The following CDK12 variants were observed in gnomAD, a reference collection of about 807,000 sequenced individuals.
The protein encoded by CDK12 is cyclin dependent kinase 12, also known as cyclin-dependent kinase 12.
In CDK12, 17 loss-of-function variants were observed where a neutral mutation model predicts 133.8. The observed-to-expected ratio is 0.13, with a 90% CI of 0.09 to 0.19. The LOEUF is 0.19. Among genes scored for constraint, CDK12 ranks in the 10% least tolerant of loss-of-function variants. CDK12 has a pLI of 1.00. For missense variants in CDK12, 1,508 were observed against 1,818.7 expected, an observed-to-expected ratio of 0.83 and a Z score of 3.11; for synonymous variants, 694 against 683.6, an observed-to-expected ratio of 1.02 and a Z score of -0.24.
chr17:39,522,811 G>A (rs573919207), intron 11 of CDK12, among the ~76,000 whole-genome samples: 1 of 152,174 alleles, frequency 6.6e-6, no homozygotes, highest in Non-Finnish European at 1.5e-5. Context: ...CCAGCACTTT[G>A]GGAGGCCGAG....
downstream of CDK12, among the ~76,000 whole-genome samples, chr17:39,535,741 T>A (rs1400869147): frequency 2.0e-5 from 3 of 152,218 alleles, no homozygotes; most frequent in East Asian, 5.8e-4. Flanking sequence ...GTATGGTTAA[T>A]GCCTCAAAGA....
In CDK12 at chr17:39,533,198, G is replaced by GT. The variant is rs1001084302; in HGVS notation, c.*1887dup. The GT allele has an allele frequency of 1.3e-4, 30 of 233,042 alleles. No individual in the cohort carries two copies. Among genetic ancestry groups the GT allele is most frequent in the African/African-American group, 6.4e-4 (29 of 45,432 alleles). 14.4% of individuals were successfully genotyped at this position (233,042 alleles called of 1,614,324 possible). Reference sequence around the variant, plus strand: ...GTGTGTATTTCTTTATTATTCTCTGGTTTTTGATCTGGCCTTGCCTCCAGG... The same window carrying GT: ...GTGTGTATTTCTTTATTATTCTCTGGTTTTTTGATCTGGCCTTGCCTCCAGG... On this transcript the variant is annotated 3_prime_UTR_variant, in exon 14 of 14. Coordinates refer to ENST00000447079, the MANE Select transcript of CDK12 (RefSeq NM_016507.4).
At chr17:39,535,624 A>G (rs560860528), downstream of CDK12, among the ~76,000 whole-genome samples, 1 of 152,290 alleles carries the variant, frequency 6.6e-6, no homozygotes, top group South Asian at 2.1e-4. Flanking sequence ...GGACCTTACT[A>G]ACCTAGATTT....
At chr17:39,560,726 G>A (rs960099109) in intron 3 of CDK12, among the ~76,000 whole-genome samples, 4 of 152,182 alleles carry the variant, frequency 2.6e-5, no homozygotes, top group African/African-American at 7.2e-5. Context: ...TCAAAAGAGC[G>A]GCACAGGCCA....
In CDK12 at chr17:39,533,639, C is replaced by T. The variant is rs2054993240; in HGVS notation, c.*2323C>T. 4.3e-6 allele frequency: 1 copy of T among 232,908 alleles called. No homozygotes were observed. The highest frequency in any genetic ancestry group is 8.5e-6 in the Non-Finnish European group (1 of 117,836). 14.4% of individuals were successfully genotyped at this position (232,908 alleles called of 1,614,324 possible). A position where few individuals can be genotyped will look rare whatever the true frequency, so the allele number is the denominator to read the frequency against. On this transcript the variant is annotated 3_prime_UTR_variant, in exon 14 of 14. Coordinates refer to ENST00000447079, the MANE Select transcript of CDK12 (RefSeq NM_016507.4). ...TATGCCAAATATCCTAAATAATATA[C>T]TTAAGCCTCCATTCCCTCATCCCTA...
In CDK12 at chr17:39,531,086, G is replaced by C. The variant is rs757874486; in HGVS notation, c.4243G>C (p.Val1415Leu). 6 of 1,597,732 alleles carry C rather than the reference G, an allele frequency of 3.8e-6. No homozygotes were observed. The highest frequency in any genetic ancestry group is 3.4e-5 in the South Asian group (3 of 88,546). ...CAGGGTCCCCTTAGCGTTACACCCG[G>C]TGGTCGGGCAACCATTCCTGAAGGC... is the stretch of plus-strand genomic sequence containing the variant. The part of the protein sequence containing the change: ...FARVPLALHP[V>L]VGQPFLKAEG... The change falls in exon 14 of 14, where the codon GTG (valine) becomes CTG (leucine). Residue 1415 changes from valine (V) to leucine (L), a missense_variant. Physicochemically the swap from Val to Leu is conservative, Grantham distance 32 (BLOSUM62 1). Transcript: ENST00000447079.
intron 10 of CDK12, among the ~76,000 whole-genome samples, chr17:39,518,297 G>A (rs1464971791): frequency 6.6e-6 from 1 of 151,722 alleles, no homozygotes; most frequent in Non-Finnish European, 1.5e-5. Context: ...CTTCTGAATA[G>A]CTGGGACCAC....
chr17:39,558,709 T>G (rs1432291231), intron 3 of CDK12, among the ~76,000 whole-genome samples: 1 of 152,236 alleles, frequency 6.6e-6, no homozygotes, highest in African/African-American at 2.4e-5. Flanking sequence ...AATGGTGCAG[T>G]CTCGGCTCAC....
chr17:39,555,523 C>A, intron 2 of CDK12, among the ~76,000 whole-genome samples: 1 of 151,798 alleles, frequency 6.6e-6, no homozygotes, highest in East Asian at 1.9e-4. Flanking sequence ...CCAGCTCTCC[C>A]GGGCAGTATC....
intron 6 of CDK12, among the ~76,000 whole-genome samples, chr17:39,501,711 T>C (rs1392496878): frequency 1.8e-4 from 28 of 152,212 alleles, no homozygotes; most frequent in Admixed American, 1.8e-3. Context: ...TTTAATAGCG[T>C]AAACAAACAG....
At chr17:39,546,732 GT>G (rs2055724797), upstream of CDK12, 1 of 152,118 alleles carries the variant, frequency 6.6e-6, no homozygotes, top group African/African-American at 2.4e-5. Context: ...AGCCTCCTGT[GT>G]CTACCCCCAC....
chr17:39,494,811 C>G lies in CDK12; in HGVS notation c.2419+117C>G, dbSNP rs543348796. ...TTGAGACGGAGTCTTGCTCTGTTGCCCAGGCTGAACTGCAGTGGTGCGATT... is the reference window on the plus strand; with the variant it reads ...TTGAGACGGAGTCTTGCTCTGTTGCGCAGGCTGAACTGCAGTGGTGCGATT... On this transcript the variant is annotated intron_variant, in intron 5 of 13. Coordinates refer to ENST00000447079, the MANE Select transcript of CDK12 (RefSeq NM_016507.4). 79 of 733,448 alleles carry G rather than the reference C, an allele frequency of 1.1e-4. No individual in the cohort carries two copies. The East Asian group carries it at 2.1e-3, about 19-fold the overall frequency. 45.4% of individuals were successfully genotyped at this position (733,448 alleles called of 1,614,324 possible). A position where few individuals can be genotyped will look rare whatever the true frequency, so the allele number is the denominator to read the frequency against.
chr17:39,566,751 G>A (rs1282281656), downstream of CDK12, among the ~76,000 whole-genome samples: 2 of 152,154 alleles, frequency 1.3e-5, no homozygotes, highest in Non-Finnish European at 2.9e-5. Flanking sequence ...GGCAGCACTA[G>A]AAGGGGCTGA....
rs1356517818 is a variant in CDK12, at chr17:39,490,675, G to C, written c.2050G>C (p.Asp684His). 1.2e-6 allele frequency: 2 copies of C among 1,613,556 alleles called. No homozygotes were observed. The highest frequency in any genetic ancestry group is 1.7e-5 in the Admixed American group (1 of 59,952). ...CCCTGGTGGAGATCTGTCTCCCCCA[G>C]ACTCTCCAGAACCAAAGGCAATCAC... The part of the protein sequence containing the change: ...ELPGGDLSPP[D>H]SPEPKAITPP... The change falls in exon 3 of 14, where the codon GAC (aspartate) becomes CAC (histidine). Residue 684 changes from aspartate (D) to histidine (H), a missense_variant. Asp to His is a moderately conservative substitution (Grantham distance 81, BLOSUM62 -1). Transcript: ENST00000447079.
chr17:39,492,286 C>T (rs1404100688), intron 3 of CDK12, among the ~76,000 whole-genome samples: 4 of 148,470 alleles, frequency 2.7e-5, no homozygotes, highest in Non-Finnish European at 5.9e-5. Flanking sequence ...TTAGTAGAGA[C>T]GGGGTTTCAC....
chr17:39,471,642 C>G lies in CDK12; in HGVS notation c.1810C>G (p.Pro604Ala). ...AVSSQANSQP[P>A]VQVSVKTQVS... ...GTCCTCTCAGGCAAATTCTCAGCCC[C>G]CTGTACAGGTTTCTGTGAAGACTCA... The change falls in exon 2 of 14, where the codon CCT (proline) becomes GCT (alanine). Residue 604 changes from proline to alanine, a missense_variant. Transcript: ENST00000447079. 1.9e-5 allele frequency: 31 copies of G among 1,614,120 alleles called. No individual in the cohort carries two copies. Among genetic ancestry groups the G allele is most frequent in the South Asian group, 6.6e-5 (6 of 91,080 alleles).
Position 39,493,701 on chromosome 17 carries a change from C to T in CDK12, c.2248+811C>T, listed in dbSNP as rs183520191. Among the ~76,000 whole-genome samples the T allele has an allele frequency of 1.6e-4, 24 of 151,724 alleles. No individual in the cohort carries two copies. In the East Asian group the frequency reaches 4.5e-3, roughly 29 times the overall value. On this transcript the variant is annotated intron_variant, in intron 4 of 13. Coordinates refer to ENST00000447079, the MANE Select transcript of CDK12 (RefSeq NM_016507.4). Reference sequence around the variant, plus strand: ...TTCCAAAAGAATACTATAATTATAACTTTTAAAACTCTCCAGCTGGGTGTG... The same window carrying T: ...TTCCAAAAGAATACTATAATTATAATTTTTAAAACTCTCCAGCTGGGTGTG...
chr17:39,530,828 T>C lies in CDK12; in HGVS notation c.3985T>C (p.Ser1329Pro), dbSNP rs2054791813. Residue 1329 changes from serine to proline, a missense_variant, in exon 14 of 14, where the codon TCC becomes CCC. By Grantham distance (74) the Ser-to-Pro change is moderately conservative (BLOSUM62 -1). Around this residue, in one of 9 missense-constraint regions of CDK12, gnomAD observed 399 missense variants for 469.6 expected, o/e 0.85. Transcript: ENST00000447079. ...CCAGGCCTTGAGACCAATGGAGTAC[T>C]CCACCCGACCCCGTCCAAACAGGAC... is the stretch of plus-strand genomic sequence containing the variant. ...EHQALRPMEYSTRPRPNRTYG... is the reference protein window; with the variant it reads ...EHQALRPMEYPTRPRPNRTYG... 1.2e-6 allele frequency: 2 copies of C among 1,614,026 alleles called. No homozygotes were observed. The highest frequency in any genetic ancestry group is 1.7e-6 in the Non-Finnish European group (2 of 1,180,028).
downstream of CDK12, among the ~76,000 whole-genome samples, chr17:39,537,155 G>A (rs1250369099): frequency 6.6e-6 from 1 of 152,042 alleles, no homozygotes; most frequent in African/African-American, 2.4e-5. Flanking sequence ...TCTACCTAAG[G>A]GGCCTATCTG....
Sources: gnomAD v4.1 joint callset for allele counts (sites outside exome capture counted in the v4.1 genomes callset) on GRCh38, gnomAD v4.1.1 for gene constraint, gnomAD v4.1.1 regional missense constraint, MANE v1.5 for transcripts, NCBI Gene and HGNC (gene_info 2026-07-23, HGNC 2026-07-21) for gene names.